The following SLC4A10 variants were observed in gnomAD, a reference collection of about 807,000 sequenced individuals.
The protein encoded by SLC4A10 is solute carrier family 4 member 10.
SLC4A10 carries 42 observed loss-of-function variants against 137.7 expected under a neutral mutation model. The observed-to-expected ratio is 0.30, with a 90% CI of 0.24 to 0.39. SLC4A10 has a LOEUF of 0.39. Ranked by LOEUF, SLC4A10 falls within the 10% of genes least tolerant of loss-of-function variation. The pLI is 1.00. For missense variants in SLC4A10, 925 were observed against 1,355.0 expected (o/e 0.68, Z 4.98); for synonymous variants, 474 against 464.1 (o/e 1.02, Z -0.27).
intron 2 of SLC4A10, among the ~76,000 whole-genome samples, chr2:161,772,459 T>C (rs12997445): frequency 0.054 from 8,131 of 151,862 alleles, 299 homozygotes; most frequent in Middle Eastern, 0.13. Flanking sequence ...AAATACTTAA[T>C]AAAAAATAGC....
intron 1 of SLC4A10, among the ~76,000 whole-genome samples, chr2:161,652,514 C>A (rs1247510568): frequency 6.6e-6 from 1 of 152,160 alleles, no homozygotes; most frequent in African/African-American, 2.4e-5. Flanking sequence ...ATATTGACCT[C>A]TTTGAAAATA....
At chr2:161,859,802 G>C (rs1339001299) in intron 5 of SLC4A10, among the ~76,000 whole-genome samples, 2 of 151,798 alleles carry the variant, frequency 1.3e-5, no homozygotes, top group Non-Finnish European at 2.9e-5. Flanking sequence ...GGGTTTCACC[G>C]TGTTAGCCAG....
At chr2:161,644,680 A>G (rs1376483093) in intron 1 of SLC4A10, among the ~76,000 whole-genome samples, 1 of 152,222 alleles carries the variant, frequency 6.6e-6, no homozygotes, top group African/African-American at 2.4e-5. Flanking sequence ...TGCTCACAGT[A>G]GTAACCAAAC....
At chr2:161,897,392 G>A (rs191319899) in intron 11 of SLC4A10, among the ~76,000 whole-genome samples, 12 of 151,982 alleles carry the variant, frequency 7.9e-5, no homozygotes, top group Admixed American at 2.6e-4. Flanking sequence ...GTTCAGCCTT[G>A]CCTGACTCTG....
intron 21 of SLC4A10, among the ~76,000 whole-genome samples, chr2:161,960,066 A>G (rs1696358929): frequency 1.3e-5 from 2 of 152,088 alleles, no homozygotes; most frequent in African/African-American, 4.8e-5. Context: ...TGTGGTCCTT[A>G]TAAGAAGAGA....
intron 6 of SLC4A10, among the ~76,000 whole-genome samples, chr2:161,863,762 C>A (rs565565378): frequency 3.3e-5 from 5 of 152,222 alleles, no homozygotes; most frequent in South Asian, 2.1e-4. Flanking sequence ...TCTCTCCTTG[C>A]GTTTATTTAA....
chr2:161,879,029 A>G (rs2061595028), intron 8 of SLC4A10, 102 bp from the exon 9 acceptor site: 15 of 993,856 alleles, frequency 1.5e-5, no homozygotes, highest in Middle Eastern at 6.3e-4. Context: ...TATTTAAACT[A>G]TATTTATTCA....
intron 1 of SLC4A10, among the ~76,000 whole-genome samples, chr2:161,729,485 A>G (rs1448159324): frequency 6.6e-6 from 1 of 152,192 alleles, no homozygotes; most frequent in Non-Finnish European, 1.5e-5. Context: ...TATACATGTG[A>G]TAAAACTTAT....
chr2:161,815,492 T>C (rs746083500), intron 3 of SLC4A10, among the ~76,000 whole-genome samples: 1 of 152,164 alleles, frequency 6.6e-6, no homozygotes, highest in Non-Finnish European at 1.5e-5. Context: ...TTCTTTCCTT[T>C]ATAAATTACC....
Position 161,768,800 on chromosome 2 carries a change from T to G in SLC4A10, c.49-2173T>G, listed in dbSNP as rs370566181. ...ATCTTTAGTGATTATGTGCTGTCTT[T>G]TGGCCCCTGTCCTGCCTGGGATCTA... On this transcript the variant is annotated intron_variant, in intron 1 of 26. Transcript: ENST00000446997. 8.5e-5 allele frequency among the ~76,000 whole-genome samples: 13 copies of G among 152,120 alleles called. No homozygotes were observed. In the East Asian group the frequency reaches 1.7e-3, roughly 20 times the overall value.
At chr2:161,648,960 T>C (rs2036438112) in intron 1 of SLC4A10, among the ~76,000 whole-genome samples, 1 of 152,212 alleles carries the variant, frequency 6.6e-6, no homozygotes, top group Admixed American at 6.5e-5. Flanking sequence ...AGATCCCTAG[T>C]TGCATCAAAA....
chr2:161,647,346 T>C (rs565123523), intron 1 of SLC4A10, among the ~76,000 whole-genome samples: 2 of 152,074 alleles, frequency 1.3e-5, no homozygotes, highest in Non-Finnish European at 2.9e-5. Context: ...TTAGAAGAGA[T>C]TAAACCATGA....
chr2:161,875,586 A>C (rs1435523232), intron 8 of SLC4A10, among the ~76,000 whole-genome samples: 1 of 152,198 alleles, frequency 6.6e-6, no homozygotes, highest in African/African-American at 2.4e-5. Context: ...AGATGTGTCA[A>C]AGCAATATTT....
At chr2:161,742,259 T>G (rs1426455448) in intron 1 of SLC4A10, among the ~76,000 whole-genome samples, 1 of 152,150 alleles carries the variant, frequency 6.6e-6, no homozygotes, top group East Asian at 1.9e-4. Flanking sequence ...AATCTTGTTT[T>G]GTGACTAATG....
intron 2 of SLC4A10, among the ~76,000 whole-genome samples, chr2:161,797,536 G>GTT (rs5835881): frequency 0.067 from 9,858 of 147,598 alleles, 541 homozygotes; most frequent in African/African-American, 0.15. Context: ...TCGTTAGCCA[G>GTT]TTTTTTTTTT....
chr2:161,654,572 A>T (rs1385706065), intron 1 of SLC4A10, among the ~76,000 whole-genome samples: 1 of 152,026 alleles, frequency 6.6e-6, no homozygotes, highest in Non-Finnish European at 1.5e-5. Flanking sequence ...GGTATACGGG[A>T]CAAATTTCAT....
intron 15 of SLC4A10, among the ~76,000 whole-genome samples, chr2:161,934,660 T>A (rs577896159): frequency 2.0e-5 from 3 of 152,314 alleles, no homozygotes; most frequent in Non-Finnish European, 4.4e-5. Flanking sequence ...TGAGGTAGTA[T>A]CTCTGTGGTT....
intron 1 of SLC4A10, among the ~76,000 whole-genome samples, chr2:161,754,692 G>A (rs12470743): frequency 0.081 from 12,369 of 151,914 alleles, 644 homozygotes; most frequent in East Asian, 0.14. Flanking sequence ...CACATGATTA[G>A]GAATAAATTA....
chr2:161,751,925 C>A (rs1291971794), intron 1 of SLC4A10, among the ~76,000 whole-genome samples: 1 of 151,882 alleles, frequency 6.6e-6, no homozygotes, highest in African/African-American at 2.4e-5. Flanking sequence ...ACAATCCTAA[C>A]CTCCCTATGT....
Sources: gnomAD v4.1 joint callset for allele counts (sites outside exome capture counted in the v4.1 genomes callset) on GRCh38, gnomAD v4.1.1 for gene constraint, MANE v1.5 for transcripts, NCBI Gene and HGNC (gene_info 2026-07-23, HGNC 2026-07-21) for gene names.